The following LAMC2 variants were observed in gnomAD, a reference collection of about 807,000 sequenced individuals.
LAMC2 encodes laminin subunit gamma-2.
A neutral mutation model predicts 140.2 loss-of-function variants in LAMC2; 97 were observed. The observed-to-expected ratio is 0.69, with a 90% confidence interval of 0.59 to 0.82. LAMC2 has a LOEUF of 0.82. LAMC2 is among the 40% of genes least tolerant of loss of function. The pLI, the probability that LAMC2 is intolerant of heterozygous loss-of-function variation, is 0.00. For missense variants in LAMC2, 1,402 were observed against 1,476.1 expected, an observed-to-expected ratio of 0.95 and a Z score of 0.82; for synonymous variants, 513 against 540.2, an observed-to-expected ratio of 0.95 and a Z score of 0.70.
chr1:183,215,551 C>A lies in LAMC2; in HGVS notation c.367C>A (p.Leu123Ile), dbSNP rs888501325. The change falls in exon 3 of 23, where the codon CTC becomes ATC. Residue 123 changes from leucine (L) to isoleucine (I), a missense_variant. This residue lies in a region of LAMC2 where 723 missense variants were observed against 783.3 expected (regional missense o/e 0.92). Transcript: ENST00000264144. ...CDRCLPGFHM[L>I]TDAGCTQDQR... is the part of the protein sequence containing the mutation. ...CCGATGTCTGCCAGGCTTCCACATG[C>A]TCACGGATGCGGGGTGCACCCAAGA... 3 of 1,614,072 alleles carry A rather than the reference C, an allele frequency of 1.9e-6. No homozygotes were observed. The African/African-American group carries it at 4.0e-5, about 22-fold the overall frequency.
intron 13 of LAMC2, 129 bp from the exon 14 acceptor site, chr1:183,232,523 G>T (rs1659830861): frequency 1.8e-6 from 2 of 1,088,302 alleles, no homozygotes; most frequent in Admixed American, 3.9e-5. Context: ...GGTGATAAAA[G>T]AATGGTTGGA....
At chr1:183,236,861 G>A (rs1241389520) in intron 17 of LAMC2, among the ~76,000 whole-genome samples, 1 of 152,238 alleles carries the variant, frequency 6.6e-6, no homozygotes, top group Non-Finnish European at 1.5e-5. Flanking sequence ...TAGTTCTGGG[G>A]ATTGTTGAAA....
chr1:183,245,844 A>G (rs149812304), downstream of LAMC2, among the ~76,000 whole-genome samples: 136 of 152,340 alleles, frequency 8.9e-4, no homozygotes, highest in Admixed American at 2.2e-3. Flanking sequence ...GTGTAATCAT[A>G]TAAGGATTCT....
chr1:183,240,634 G>T, intron 22 of LAMC2: 2 of 1,408,264 alleles, frequency 1.4e-6, no homozygotes, highest in African/African-American at 1.4e-5. Context: ...AGGTCTGTGG[G>T]CCAAAGAACA....
intron 1 of LAMC2, among the ~76,000 whole-genome samples, chr1:183,203,091 C>T (rs1658771861): frequency 6.6e-6 from 1 of 152,208 alleles, no homozygotes; most frequent in South Asian, 2.1e-4. Flanking sequence ...TGCCTGTGGA[C>T]ACAGCTTTGT....
In LAMC2 at chr1:183,243,374, A is replaced by C. The variant is rs2102258463; in HGVS notation, c.3556A>C (p.Asn1186His). The C allele has an allele frequency of 6.2e-7, 1 of 1,614,240 alleles. No individual in the cohort carries two copies. The highest frequency in any genetic ancestry group is 8.5e-7 in the Non-Finnish European group (1 of 1,180,044). ...GGACAACCTGCCCCCAGGCTGCTAC[A>C]ATACCCAGGCTCTTGAGCAACAGTG... ...IRDNLPPGCY[N>H]TQALEQQ Residue 1186 changes from asparagine (N) to histidine (H), a missense_variant, in exon 23 of 23, where the codon AAT becomes CAT. Transcript: ENST00000264144.
chr1:183,189,700 T>G (rs537657857), intron 1 of LAMC2, among the ~76,000 whole-genome samples: 1 of 152,072 alleles, frequency 6.6e-6, no homozygotes, highest in Non-Finnish European at 1.5e-5. Context: ...GAATGAGCAC[T>G]GAGGATAGAG....
In LAMC2 at chr1:183,207,879, A is replaced by G. The variant is rs771613805; in HGVS notation, c.80-2A>G. 19 of 1,570,306 alleles carry G rather than the reference A, an allele frequency of 1.2e-5. No homozygotes were observed. Among genetic ancestry groups the G allele is most frequent in the Non-Finnish European group, 1.6e-5 (19 of 1,152,610 alleles). On this transcript the variant is annotated splice_acceptor_variant, in intron 1 of 22. Coordinates refer to ENST00000264144, the MANE Select transcript of LAMC2 (RefSeq NM_005562.3). LOFTEE classifies it high-confidence loss of function. ...GATCTCTTTTGTATGCTTCCTCCCC[A>G]GTCTGTGATTGCAATGGGAAGTCCA...
intron 1 of LAMC2, among the ~76,000 whole-genome samples, chr1:183,202,990 T>C (rs1040250902): frequency 8.5e-5 from 13 of 152,344 alleles, no homozygotes; most frequent in African/African-American, 2.9e-4. Flanking sequence ...GACCAGGCAC[T>C]GTGTGATATA....
chr1:183,223,881 T>C (rs1206957792), intron 7 of LAMC2, among the ~76,000 whole-genome samples: 1 of 152,122 alleles, frequency 6.6e-6, no homozygotes, highest in Non-Finnish European at 1.5e-5. Flanking sequence ...GATTGCACAG[T>C]ATCCTGCAGA....
chr1:183,215,068 A>G (rs1421733376), intron 2 of LAMC2, among the ~76,000 whole-genome samples: 1 of 152,170 alleles, frequency 6.6e-6, no homozygotes, highest in African/African-American at 2.4e-5. Flanking sequence ...TGCCAGGGAT[A>G]AGGGAGAATG....
intron 3 of LAMC2, among the ~76,000 whole-genome samples, chr1:183,217,785 G>A (rs1196654315): frequency 6.6e-6 from 1 of 152,210 alleles, no homozygotes; most frequent in Non-Finnish European, 1.5e-5. Context: ...AACTGCTAAA[G>A]GGCACAGGAT....
chr1:183,238,230 TGAAGA>T (rs1660024580), intron 18 of LAMC2, 72 bp from the exon 19 acceptor site: 1 of 1,027,548 alleles, frequency 9.7e-7, no homozygotes, highest in Non-Finnish European at 1.5e-6. Flanking sequence ...TCTGCTGTCA[TGAAGA>T]GAAATGTGTC....
rs780449197 is a variant in LAMC2, at chr1:183,243,251, C to T, written c.3433C>T (p.Leu1145=). Residue 1145 remains leucine, a synonymous_variant, in exon 23 of 23, where the codon CTG becomes TTG. Transcript: ENST00000264144. Reference sequence around the variant, plus strand: ...CCAACTGCGGCCCATGATGTCAGAGCTGGAAGAGAGGGCACGTCAGCAGAG... The same window carrying T: ...CCAACTGCGGCCCATGATGTCAGAGTTGGAAGAGAGGGCACGTCAGCAGAG... ...NSQLRPMMSE[L]EERARQQRGH... The T allele has an allele frequency of 6.2e-7, 1 of 1,614,104 alleles. No individual in the cohort carries two copies. The highest frequency in any genetic ancestry group is 1.7e-5 in the Admixed American group (1 of 60,024).
chr1:183,198,826 G>A (rs1373477260), intron 1 of LAMC2, among the ~76,000 whole-genome samples: 2 of 152,222 alleles, frequency 1.3e-5, no homozygotes, highest in Admixed American at 1.3e-4. Flanking sequence ...CCACAGATGG[G>A]TGGGCAGTCC....
chr1:183,189,329 CCTATAATCCCAGCA>C (rs1400904714), intron 1 of LAMC2, among the ~76,000 whole-genome samples: 1 of 152,136 alleles, frequency 6.6e-6, no homozygotes, highest in East Asian at 1.9e-4. Context: ...GTGACTCATG[CCTATAATCCCAGCA>C]CTTTGGGAGG....
In LAMC2 at chr1:183,229,421, G is replaced by A. The variant is rs188400179; in HGVS notation, c.1714+802G>A. ...GGAAGCTGAGGTGGGTGGATCACCTGAGGTTGTGAGTTCAAGACCAGCCTG... is the reference window on the plus strand; with the variant it reads ...GGAAGCTGAGGTGGGTGGATCACCTAAGGTTGTGAGTTCAAGACCAGCCTG... On this transcript the variant is annotated intron_variant, in intron 11 of 22. Coordinates refer to ENST00000264144, the MANE Select transcript of LAMC2 (RefSeq NM_005562.3). 9.1e-4 allele frequency among the ~76,000 whole-genome samples: 139 copies of A among 152,186 alleles called. 1 individual carries two copies. The highest frequency in any genetic ancestry group is 3.2e-3 in the African/African-American group (131 of 41,510).
At chr1:183,240,712 C>T in intron 22 of LAMC2, 1 of 1,251,582 alleles carries the variant, frequency 8.0e-7, no homozygotes, top group African/African-American at 1.5e-5. Flanking sequence ...CTGGCCTGGA[C>T]CCTGAGAAGC....
rs1571540888 is a variant in LAMC2, at chr1:183,238,321, G to T, written c.2769G>T (p.Leu923=). The stretch of plus-strand genomic sequence containing the variant: ...CCTTTTTACAGAAATCAGATCAGCT[G>T]CTTTCCCGTGCCAATCTTGCTAAAA... ...GKSGREKSDQ[L]LSRANLAKSR... is the part of the protein sequence containing the mutation. The change falls in exon 19 of 23, where the codon CTG becomes CTT. Residue 923 remains leucine, a synonymous_variant. Transcript: ENST00000264144. 6.2e-7 allele frequency: 1 copy of T among 1,613,796 alleles called. No homozygotes were observed. The highest frequency in any genetic ancestry group is 8.5e-7 in the Non-Finnish European group (1 of 1,179,738).
Sources: gnomAD v4.1 joint callset for allele counts (sites outside exome capture counted in the v4.1 genomes callset) on GRCh38, gnomAD v4.1.1 for gene constraint, gnomAD v4.1.1 regional missense constraint, MANE v1.5 for transcripts, NCBI Gene and HGNC (gene_info 2026-07-23, HGNC 2026-07-21) for gene names.